Variants in LMCD1 observed in about 807,000 individuals in gnomAD.
LMCD1 encodes the protein LIM and cysteine-rich domains protein 1.
Under a neutral mutation model 42.7 loss-of-function variants are expected in LMCD1, and 32 were observed. The ratio of observed to expected loss-of-function variants is 0.75; its 90% confidence interval spans 0.57 to 1.01. The LOEUF (loss-of-function observed/expected upper bound fraction) is 1.01. Ranked by LOEUF, LMCD1 falls within the 50% of genes least tolerant of loss-of-function variation. The pLI is 0.00. For missense variants in LMCD1, 458 were observed against 483.1 expected, an observed-to-expected ratio of 0.95 and a Z score of 0.49; for synonymous variants, 178 against 184.9, an observed-to-expected ratio of 0.96 and a Z score of 0.30.
Position 8,567,594 on chromosome 3 carries a change from C to T in LMCD1, c.1094C>T (p.Ser365Phe). The T allele has an allele frequency of 1.2e-6, 2 of 1,612,402 alleles. No homozygotes were observed. Among genetic ancestry groups the T allele is most frequent in the Admixed American group, 1.7e-5 (1 of 59,934 alleles). Reference protein sequence around the residue: ...LCPTCSKSKRS With the variant: ...LCPTCSKSKRF ...CCAACTTGCAGCAAGTCCAAACGCT[C>T]CTGAAGGGCTGCCCACCCACAGCCA... The change falls in exon 6 of 6, where the codon TCC (serine) becomes TTC (phenylalanine). Residue 365 changes from serine (S) to phenylalanine (F), a missense_variant. Transcript: ENST00000157600.
rs189838836 is a variant in LMCD1, at chr3:8,573,232, T to C, written c.*5634T>C. ...GGTGAATTACACATTTCTGAAGCCATTACACTTCCTAGTTTATTTGGATTT... is the reference window on the plus strand; with the variant it reads ...GGTGAATTACACATTTCTGAAGCCACTACACTTCCTAGTTTATTTGGATTT... On this transcript the variant is annotated 3_prime_UTR_variant, in exon 6 of 6. Coordinates refer to ENST00000157600, the MANE Select transcript of LMCD1 (RefSeq NM_014583.4). The C allele has an allele frequency of 3.7e-4, 56 of 152,296 alleles. No homozygotes were observed. Among genetic ancestry groups the C allele is most frequent in the Non-Finnish European group, 6.5e-4 (44 of 68,026 alleles). The allele number at this position is 152,296 out of a possible 1,614,324, so 9.4% of individuals were successfully genotyped here. A position where few individuals can be genotyped will look rare whatever the true frequency, so the allele number is the denominator to read the frequency against.
intron 2 of LMCD1, among the ~76,000 whole-genome samples, chr3:8,535,001 CATT>C (rs1455369763): frequency 1.3e-5 from 2 of 152,206 alleles, no homozygotes; most frequent in Non-Finnish European, 2.9e-5. Flanking sequence ...TGAAATTCCA[CATT>C]AACTGCAAAA....
intron 1 of LMCD1, among the ~76,000 whole-genome samples, chr3:8,517,426 T>C (rs1694120410): frequency 6.6e-6 from 1 of 152,194 alleles, no homozygotes; most frequent in South Asian, 2.1e-4. Flanking sequence ...CTGAAATACT[T>C]CTGGTCCTAA....
intron 1 of LMCD1, among the ~76,000 whole-genome samples, chr3:8,522,518 A>G (rs560534162): frequency 6.6e-6 from 1 of 152,282 alleles, no homozygotes; most frequent in South Asian, 2.1e-4. Flanking sequence ...CACAGAAGCA[A>G]CAGTTCCCTT....
chr3:8,541,268 G>A (rs1196546097), intron 3 of LMCD1, among the ~76,000 whole-genome samples: 1 of 152,162 alleles, frequency 6.6e-6, no homozygotes, highest in Non-Finnish European at 1.5e-5. Flanking sequence ...GTCCTCAGGG[G>A]GCCAGGTGCA....
chr3:8,546,898 G>C (rs1238806935), intron 3 of LMCD1, among the ~76,000 whole-genome samples: 1 of 152,190 alleles, frequency 6.6e-6, no homozygotes, highest in Non-Finnish European at 1.5e-5. Context: ...TTATCAACTG[G>C]CTACCGTCTA....
intron 1 of LMCD1, 51 bp downstream of exon 1, chr3:8,502,031 C>T (rs764609607): frequency 6.6e-6 from 10 of 1,524,722 alleles, no homozygotes; most frequent in Non-Finnish European, 8.9e-6. Context: ...TTTCTTGTTC[C>T]CCTTCCCATC....
chr3:8,556,881 G>C (rs1694940138), intron 4 of LMCD1, among the ~76,000 whole-genome samples: 1 of 152,168 alleles, frequency 6.6e-6, no homozygotes, highest in South Asian at 2.1e-4. Context: ...ATTTTGCCTT[G>C]CTTGGCAGAG....
intron 4 of LMCD1, among the ~76,000 whole-genome samples, chr3:8,560,403 G>T (rs1183781904): frequency 6.6e-6 from 1 of 152,218 alleles, no homozygotes; most frequent in Middle Eastern, 3.4e-3. Flanking sequence ...TATCATCAGG[G>T]TGCCTGCCGG....
intron 1 of LMCD1, among the ~76,000 whole-genome samples, chr3:8,508,558 G>A (rs1434672532): frequency 6.6e-6 from 1 of 152,172 alleles, no homozygotes; most frequent in African/African-American, 2.4e-5. Flanking sequence ...ATGAGCCATT[G>A]TCTAAAAGAG....
intron 3 of LMCD1, among the ~76,000 whole-genome samples, chr3:8,542,533 G>A (rs949346057): frequency 3.9e-4 from 59 of 152,292 alleles, no homozygotes; most frequent in African/African-American, 1.4e-3. Context: ...GAAGAAAAGG[G>A]TGCAGGCCCT....
At chr3:8,530,051 C>G (rs1452773638) in intron 1 of LMCD1, among the ~76,000 whole-genome samples, 1 of 152,234 alleles carries the variant, frequency 6.6e-6, no homozygotes, top group Non-Finnish European at 1.5e-5. Flanking sequence ...GGACTAAAGC[C>G]TGGGTCTCCA....
chr3:8,515,199 T>C lies in LMCD1; in HGVS notation c.42+13219T>C, dbSNP rs74628385. On this transcript the variant is annotated intron_variant, in intron 1 of 5. Coordinates refer to ENST00000157600, the MANE Select transcript of LMCD1 (RefSeq NM_014583.4). ...ACCAGGACCCTTTCAAATCTTGCCA[T>C]TGAATTTAGCCTGGCATCCAGGTTT... 2.6e-3 allele frequency among the ~76,000 whole-genome samples: 395 copies of C among 152,284 alleles called. 5 individuals are homozygous for C. Among genetic ancestry groups the C allele is most frequent in the African/African-American group, 9.2e-3 (384 of 41,562 alleles).
chr3:8,557,706 A>C (rs1694950413), intron 4 of LMCD1, among the ~76,000 whole-genome samples: 1 of 152,236 alleles, frequency 6.6e-6, no homozygotes, highest in Admixed American at 6.5e-5. Context: ...ATAATTCTGC[A>C]TGTACACATT....
chr3:8,528,977 G>T (rs1378908711), intron 1 of LMCD1, among the ~76,000 whole-genome samples: 2 of 152,114 alleles, frequency 1.3e-5, no homozygotes, highest in Non-Finnish European at 2.9e-5. Context: ...ATTTCTTTCT[G>T]TTCTCGGGAG....
intron 3 of LMCD1, among the ~76,000 whole-genome samples, chr3:8,539,551 G>A (rs1229708683): frequency 6.6e-6 from 1 of 152,124 alleles, no homozygotes; most frequent in Non-Finnish European, 1.5e-5. Context: ...GGATGTCAGT[G>A]GAAACTAAAG....
rs757914516 is a variant in LMCD1, at chr3:8,548,854, C to T, written c.674C>T (p.Ala225Val). 7.6e-6 allele frequency: 12 copies of T among 1,572,946 alleles called. No individual in the cohort carries two copies. The highest frequency in any genetic ancestry group is 1.3e-5 in the African/African-American group (1 of 74,282). ...AAGCCAGAGGGGGCAGAGACCACTG[C>T]TGCTACCACCAACGGCAGTCTCAGT... ...QEKPEGAETT[A>V]ATTNGSLSDP... Residue 225 changes from alanine to valine, a missense_variant, in exon 4 of 6, where the codon GCT (alanine) becomes GTT (valine). Transcript: ENST00000157600.
intron 1 of LMCD1, among the ~76,000 whole-genome samples, chr3:8,530,898 C>A (rs984467004): frequency 5.9e-5 from 9 of 152,128 alleles, no homozygotes; most frequent in Admixed American, 2.0e-4. Context: ...ATTGAATAGG[C>A]CTAAATATAA....
At chr3:8,539,810 A>ATTG (rs965226040) in intron 3 of LMCD1, among the ~76,000 whole-genome samples, 1 of 145,828 alleles carries the variant, frequency 6.9e-6, no homozygotes, top group Non-Finnish European at 1.5e-5. Flanking sequence ...TATTATTATT[A>ATTG]TTATTATTAT....
Sources: allele counts gnomAD v4.1 joint callset (sites outside exome capture counted in the v4.1 genomes callset), GRCh38; gene constraint gnomAD v4.1.1; transcripts MANE v1.5; gene names NCBI Gene and HGNC (gene_info 2026-07-23, HGNC 2026-07-21).